The following OSBPL1A variants were observed in gnomAD, a reference collection of about 807,000 sequenced individuals.
OSBPL1A encodes the protein oxysterol binding protein like 1A.
OSBPL1A carries 80 observed loss-of-function variants against 137.1 expected under a neutral mutation model. The ratio of observed to expected loss-of-function variants is 0.58; its 90% CI spans 0.49 to 0.70. OSBPL1A has a LOEUF of 0.70. Ranked by LOEUF, OSBPL1A falls within the 30% of genes least tolerant of loss-of-function variation. The pLI is 0.00. For missense variants in OSBPL1A, 970 were observed against 1,129.4 expected (o/e 0.86, Z 2.02); for synonymous variants, 365 against 389.7 (o/e 0.94, Z 0.75).
intron 5 of OSBPL1A, among the ~76,000 whole-genome samples, chr18:24,338,340 A>G (rs1319262214): frequency 1.3e-5 from 2 of 151,714 alleles, no homozygotes; most frequent in African/African-American, 4.8e-5. Flanking sequence ...TTGGCCTCCC[A>G]AAGTGCTGGG....
At chr18:24,286,681 A>G (rs184305246) in intron 14 of OSBPL1A, among the ~76,000 whole-genome samples, 95 of 152,344 alleles carry the variant, frequency 6.2e-4, no homozygotes, top group African/African-American at 2.3e-3. Context: ...AACAAGGAAC[A>G]TTTTTGTATT....
chr18:24,395,842 G>A (rs953831977), intron 1 of OSBPL1A, among the ~76,000 whole-genome samples: 3 of 150,720 alleles, frequency 2.0e-5, no homozygotes, highest in Non-Finnish European at 4.5e-5. Flanking sequence ...GGCTGCTCTC[G>A]AACTCCTGAC....
chr18:24,166,554 G>C, intron 26 of OSBPL1A, 25 bp downstream of exon 26: 1 of 1,595,018 alleles, frequency 6.3e-7, no homozygotes, highest in Non-Finnish European at 8.5e-7. Flanking sequence ...AGTCTTCACT[G>C]GTGGCTTTGG....
chr18:24,382,267 C>T (rs1273112013), intron 1 of OSBPL1A, among the ~76,000 whole-genome samples: 3 of 148,554 alleles, frequency 2.0e-5, no homozygotes, highest in South Asian at 2.1e-4. Context: ...TTTAGCCAGG[C>T]GTGGTGGCAG....
chr18:24,208,603 T>C (rs1254227898), intron 17 of OSBPL1A, among the ~76,000 whole-genome samples: 2 of 152,240 alleles, frequency 1.3e-5, no homozygotes, highest in African/African-American at 4.8e-5. Flanking sequence ...ACATGTAAAG[T>C]TGCTGTGGCA....
At position 24,288,182 on chromosome 18, in the gene OSBPL1A, A is replaced by G. The variant is rs72884889; in HGVS notation, c.1175-7234T>C. On this transcript the variant is annotated intron_variant, in intron 14 of 27. Coordinates refer to ENST00000319481, the MANE Select transcript of OSBPL1A (RefSeq NM_080597.4). ...GGAGGAGTTTCTGGAAACTACATGT[A>G]AAAGATGAGAAAAAGCGATTTCATA... 5.2e-3 allele frequency among the ~76,000 whole-genome samples: 791 copies of G among 152,366 alleles called. 5 individuals are homozygous for G. The highest frequency in any genetic ancestry group is 0.025 in the South Asian group (123 of 4,830).
intron 5 of OSBPL1A, among the ~76,000 whole-genome samples, chr18:24,334,657 T>C (rs949055967): frequency 3.3e-5 from 5 of 152,190 alleles, no homozygotes; most frequent in Admixed American, 6.5e-5. Flanking sequence ...GTTCATACCT[T>C]CTAGAACCTT....
intron 17 of OSBPL1A, among the ~76,000 whole-genome samples, chr18:24,205,047 G>A (rs914049453): frequency 1.3e-5 from 2 of 152,204 alleles, no homozygotes; most frequent in Admixed American, 6.5e-5. Flanking sequence ...CATTTAGTGA[G>A]AGTTTGCTCC....
At chr18:24,288,930 C>A (rs896590487) in intron 14 of OSBPL1A, among the ~76,000 whole-genome samples, 1 of 152,114 alleles carries the variant, frequency 6.6e-6, no homozygotes, top group South Asian at 2.1e-4. Flanking sequence ...CCTGAACACA[C>A]CCAATCTCAG....
At chr18:24,321,336 A>T (rs1433036624) in intron 7 of OSBPL1A, among the ~76,000 whole-genome samples, 2 of 152,162 alleles carry the variant, frequency 1.3e-5, no homozygotes, top group Non-Finnish European at 2.9e-5. Context: ...AACTTACAAC[A>T]GTTCAACTTA....
chr18:24,190,111 C>T (rs1466074020), intron 18 of OSBPL1A, among the ~76,000 whole-genome samples: 1 of 152,120 alleles, frequency 6.6e-6, no homozygotes, highest in Non-Finnish European at 1.5e-5. Context: ...GGCGTGAACC[C>T]TCCTGCTAGG....
At chr18:24,300,256 A>G (rs1215034650) in intron 14 of OSBPL1A, among the ~76,000 whole-genome samples, 1 of 152,132 alleles carries the variant, frequency 6.6e-6, no homozygotes, top group East Asian at 1.9e-4. Flanking sequence ...GATCAAAGAC[A>G]CAACGTTTGG....
At chr18:24,234,989 A>C (rs148162176) in intron 16 of OSBPL1A, among the ~76,000 whole-genome samples, 1 of 152,276 alleles carries the variant, frequency 6.6e-6, no homozygotes, top group Non-Finnish European at 1.5e-5. Context: ...TGGTATAGTA[A>C]GTGGAGGGAA....
chr18:24,348,346 T>G (rs986120663), intron 4 of OSBPL1A, among the ~76,000 whole-genome samples: 6 of 152,242 alleles, frequency 3.9e-5, no homozygotes, highest in Non-Finnish European at 5.9e-5. Context: ...GACACTGTTC[T>G]AAAGTTTTAC....
Position 24,317,317 on chromosome 18 carries a change from T to TA in OSBPL1A, c.806+9dup. ...TGAAATTTGATAAGTGTAAAGATCA[T>TA]AATACTTACTGTTTCCTATACCATG... On this transcript the variant is annotated intron_variant, in intron 10 of 27. Coordinates refer to ENST00000319481, the MANE Select transcript of OSBPL1A (RefSeq NM_080597.4). The TA allele has an allele frequency of 1.9e-6, 3 of 1,612,046 alleles. No homozygotes were observed. The highest frequency in any genetic ancestry group is 2.5e-6 in the Non-Finnish European group (3 of 1,178,178).
At chr18:24,213,981 C>G (rs2087620144) in intron 17 of OSBPL1A, among the ~76,000 whole-genome samples, 1 of 152,154 alleles carries the variant, frequency 6.6e-6, no homozygotes. Flanking sequence ...ATCTCTGAAT[C>G]AGGCTTTTAG....
At chr18:24,344,970 T>C (rs528336472) in intron 4 of OSBPL1A, among the ~76,000 whole-genome samples, 1 of 151,584 alleles carries the variant, frequency 6.6e-6, no homozygotes, top group Non-Finnish European at 1.5e-5. Flanking sequence ...TGTGCCACCA[T>C]GTCTGGCTAA....
chr18:24,251,754 A>C (rs2089104951), intron 15 of OSBPL1A, among the ~76,000 whole-genome samples: 1 of 152,334 alleles, frequency 6.6e-6, no homozygotes, highest in South Asian at 2.1e-4. Context: ...GATCCTGGAG[A>C]AAGAGGGACA....
chr18:24,170,460 A>C lies in OSBPL1A; in HGVS notation c.2292-7T>G, dbSNP rs1407680423. ...GGCACAGAGCTTCTTTTTGCTGTCAAGAAAAACTGATGTTTAGTTAACAAA... is the reference window on the plus strand; with the variant it reads ...GGCACAGAGCTTCTTTTTGCTGTCACGAAAAACTGATGTTTAGTTAACAAA... On this transcript the variant is annotated splice_region_variant and splice_polypyrimidine_tract_variant and intron_variant, in intron 23 of 27. Coordinates refer to ENST00000319481, the MANE Select transcript of OSBPL1A (RefSeq NM_080597.4). 6.2e-7 allele frequency: 1 copy of C among 1,614,014 alleles called. No individual in the cohort carries two copies. Among genetic ancestry groups the C allele is most frequent in the Non-Finnish European group, 8.5e-7 (1 of 1,180,000 alleles).
Sources: gnomAD v4.1 joint callset for allele counts (sites outside exome capture counted in the v4.1 genomes callset) on GRCh38, gnomAD v4.1.1 for gene constraint, MANE v1.5 for transcripts, NCBI Gene and HGNC (gene_info 2026-07-23, HGNC 2026-07-21) for gene names.